TMEM38A: variants seen among roughly 807,000 people sequenced by gnomAD.
The protein encoded by TMEM38A is transmembrane protein 38A, also known as trimeric intracellular cation channel type A.
Under a neutral mutation model 28.6 loss-of-function variants are expected in TMEM38A, and 17 were observed. The observed-to-expected ratio is 0.60, with a 90% CI of 0.41 to 0.89. The LOEUF is 0.89. Among genes scored for constraint, TMEM38A ranks in the 40% least tolerant of loss-of-function variants. The pLI is 0.00. For synonymous variants in TMEM38A, 169 were observed against 166.1 expected, an observed-to-expected ratio of 1.02 and a Z score of -0.14; for missense variants, 328 against 393.1, an observed-to-expected ratio of 0.83 and a Z score of 1.40.
chr19:16,670,439 C>A (rs1178465129), intron 1 of TMEM38A, among the ~76,000 whole-genome samples: 1 of 151,966 alleles, frequency 6.6e-6, no homozygotes, highest in Non-Finnish European at 1.5e-5. Context: ...CGTGCCCAGC[C>A]GAGGCAGAGC....
intron 1 of TMEM38A, among the ~76,000 whole-genome samples, chr19:16,668,188 A>C (rs1245378064): frequency 5.9e-5 from 9 of 151,916 alleles, no homozygotes; most frequent in Middle Eastern, 3.2e-3. Flanking sequence ...CAACCTGGGC[A>C]ACAGAGCAAG....
rs1236812810 is a variant in TMEM38A at position 16,686,285 on chromosome 19, C to T, written c.555-3C>T. On this transcript the variant is annotated splice_region_variant and splice_polypyrimidine_tract_variant and intron_variant, in intron 4 of 5. Coordinates refer to ENST00000187762, the MANE Select transcript of TMEM38A (RefSeq NM_024074.4). ...TCCCGGTAATGACAGCTGCTCCCTC[C>T]AGCCCCACCAAGGCCAGCCTGTATG... 4 of 1,611,196 alleles carry T rather than the reference C, an allele frequency of 2.5e-6. No individual in the cohort carries two copies. In the South Asian group the frequency reaches 4.4e-5, roughly 18 times the overall value.
intron 3 of TMEM38A, among the ~76,000 whole-genome samples, chr19:16,681,280 C>T (rs1316124703): frequency 6.6e-6 from 1 of 152,006 alleles, no homozygotes; most frequent in Non-Finnish European, 1.5e-5. Flanking sequence ...GAGCAAGAGT[C>T]TGTCTCTAAA....
chr19:16,662,783 T>A (rs1486045042), intron 1 of TMEM38A, among the ~76,000 whole-genome samples: 1 of 151,862 alleles, frequency 6.6e-6, no homozygotes, highest in Admixed American at 6.6e-5. Context: ...AGGATTACAC[T>A]CTATTTGCTA....
rs183087427 is a variant in TMEM38A at position 16,680,436 on chromosome 19, G to A, written c.321G>A (p.Lys107=). Residue 107 remains lysine, a synonymous_variant, in exon 3 of 6, where the codon AAG becomes AAA. Coordinates refer to ENST00000187762, the MANE Select transcript of TMEM38A (RefSeq NM_024074.4). ...IFFCPLDLFY[K]CVCFLPVKLI... is the part of the protein sequence containing the mutation. ...TCTGCCCCCTGGACCTCTTCTACAA[G>A]TGTGTCTGCTTCCTGCCTGTGAAAC... 9.9e-6 allele frequency: 16 copies of A among 1,614,122 alleles called. No homozygotes were observed. The highest frequency in any genetic ancestry group is 1.3e-5 in the Non-Finnish European group (15 of 1,180,024).
chr19:16,665,085 G>A (rs749167825), intron 1 of TMEM38A, among the ~76,000 whole-genome samples: 4 of 152,042 alleles, frequency 2.6e-5, no homozygotes, highest in African/African-American at 4.8e-5. Flanking sequence ...ACCTGAGGTC[G>A]GGAGTTCAAG....
chr19:16,669,944 G>GTTTA lies in TMEM38A; in HGVS notation c.124+8619_124+8622dup, dbSNP rs959330490. The stretch of plus-strand genomic sequence containing the variant: ...AGGCAGAGCTGATTTTTTTCTGTTT[G>GTTTA]TTTATTTATTTATTTATTTTTATTT... On this transcript the variant is annotated intron_variant, in intron 1 of 5. Transcript: ENST00000187762. Among the ~76,000 whole-genome samples, 5 of 151,260 alleles carry GTTTA rather than the reference G, an allele frequency of 3.3e-5. No individual in the cohort carries two copies. In the South Asian group the frequency reaches 6.2e-4, roughly 19 times the overall value.
chr19:16,686,275 C>T lies in TMEM38A; in HGVS notation c.555-13C>T. 1 of 1,606,252 alleles carries T rather than the reference C, an allele frequency of 6.2e-7. No individual in the cohort carries two copies. The highest frequency in any genetic ancestry group is 1.1e-5 in the South Asian group (1 of 90,772). On this transcript the variant is annotated splice_polypyrimidine_tract_variant and intron_variant, in intron 4 of 5. Transcript: ENST00000187762. ...TGCAGGCACCTCCCGGTAATGACAG[C>T]TGCTCCCTCCAGCCCCACCAAGGCC...
intron 1 of TMEM38A, among the ~76,000 whole-genome samples, chr19:16,667,123 GC>G (rs1359198494): frequency 7.2e-5 from 11 of 151,776 alleles, no homozygotes; most frequent in Non-Finnish European, 1.2e-4. Context: ...ACAAAAATTA[GC>G]CAGTCATGGT....
chr19:16,684,729 T>C (rs1032915074), intron 4 of TMEM38A, among the ~76,000 whole-genome samples: 1 of 152,038 alleles, frequency 6.6e-6, no homozygotes, highest in Non-Finnish European at 1.5e-5. Context: ...AGGGTTATGA[T>C]TTATTACAGT....
intron 1 of TMEM38A, among the ~76,000 whole-genome samples, chr19:16,666,543 C>A (rs531256465): frequency 9.9e-5 from 15 of 152,214 alleles, no homozygotes; most frequent in African/African-American, 3.4e-4. Flanking sequence ...ATCCTCCCAC[C>A]TCAGCTTCCC....
At chr19:16,672,385 A>C (rs79846653) in intron 1 of TMEM38A, among the ~76,000 whole-genome samples, 2,565 of 151,804 alleles carry the variant, frequency 0.017, 76 homozygotes, top group African/African-American at 0.059. Context: ...TGGGCCTCAC[A>C]TAAAATACAC....
In TMEM38A at chr19:16,682,526, C is replaced by G; in HGVS notation, c.554+18C>G. 1 of 1,610,530 alleles carries G rather than the reference C, an allele frequency of 6.2e-7. No individual in the cohort carries two copies. The highest frequency in any genetic ancestry group is 1.7e-5 in the Admixed American group (1 of 59,986). The stretch of plus-strand genomic sequence containing the variant: ...ATGTCTTTGTGAGTATCCCACTCCA[C>G]CTCTCCCTCCATGCCTCCTGTATGT... On this transcript the variant is annotated intron_variant, in intron 4 of 5. Transcript: ENST00000187762.
At chr19:16,674,910 A>G (rs4808521) in intron 1 of TMEM38A, among the ~76,000 whole-genome samples, 30,136 of 152,064 alleles carry the variant, frequency 0.2, 5,097 homozygotes, top group African/African-American at 0.44. Context: ...CACAGCCCCC[A>G]TTCAGTGGCA....
At chr19:16,679,252 CGTGT>C (rs35543309) in intron 1 of TMEM38A, among the ~76,000 whole-genome samples, 12,831 of 128,174 alleles carry the variant, frequency 0.1, 413 homozygotes, top group South Asian at 0.15. Flanking sequence ...TCTTTTGTTT[CGTGT>C]GTGTGTGTGT....
Position 16,688,440 on chromosome 19 carries a change from G to A in TMEM38A, c.*69G>A, listed in dbSNP as rs146678692. The A allele has an allele frequency of 3.0e-5, 38 of 1,278,956 alleles. No homozygotes were observed. The highest frequency in any genetic ancestry group is 2.5e-4 in the Middle Eastern group (1 of 4,002). 79.2% of individuals were successfully genotyped at this position (1,278,956 alleles called of 1,614,324 possible). On this transcript the variant is annotated 3_prime_UTR_variant, in exon 6 of 6. Transcript: ENST00000187762. ...CCCTCTGAGCTGGGAGGCTTCCTGCGCTCAGATCTATCCTTTCCTGGCCTT... is the reference window on the plus strand; with the variant it reads ...CCCTCTGAGCTGGGAGGCTTCCTGCACTCAGATCTATCCTTTCCTGGCCTT...
intron 1 of TMEM38A, among the ~76,000 whole-genome samples, chr19:16,673,710 C>G (rs1285816342): frequency 6.6e-6 from 1 of 152,062 alleles, no homozygotes; most frequent in South Asian, 2.1e-4. Flanking sequence ...CTAAGAAGAA[C>G]GTAATTCCTT....
chr19:16,666,270 C>G (rs775890113), intron 1 of TMEM38A, among the ~76,000 whole-genome samples: 5 of 151,878 alleles, frequency 3.3e-5, no homozygotes, highest in African/African-American at 4.8e-5. Context: ...TCAGCCATTG[C>G]GCCTGGCCCA....
chr19:16,667,388 T>G (rs1443987905), intron 1 of TMEM38A, among the ~76,000 whole-genome samples: 1 of 152,082 alleles, frequency 6.6e-6, no homozygotes, highest in African/African-American at 2.4e-5. Flanking sequence ...TTCTGGGGCC[T>G]CCAAGCTCCA....
Sources: gnomAD v4.1 joint callset for allele counts (sites outside exome capture counted in the v4.1 genomes callset) on GRCh38, gnomAD v4.1.1 for gene constraint, MANE v1.5 for transcripts, NCBI Gene and HGNC (gene_info 2026-07-23, HGNC 2026-07-21) for gene names.